Variants in TVP23A observed in about 807,000 individuals in gnomAD.
TVP23A encodes the protein trans-golgi network vesicle protein 23 homolog A.
Under a neutral mutation model 31.7 loss-of-function variants are expected in TVP23A, and 21 were observed. That is an observed-to-expected ratio of 0.66 (90% CI 0.47 to 0.95). TVP23A has a LOEUF of 0.95. Ranked by LOEUF, TVP23A falls within the 40% of genes least tolerant of loss-of-function variation. The pLI is 0.00. For missense variants in TVP23A, 279 were observed against 255.6 expected, an observed-to-expected ratio of 1.09 and a Z score of -0.62; for synonymous variants, 104 against 96.0, an observed-to-expected ratio of 1.08 and a Z score of -0.49.
At chr16:10,813,439 CT>C (rs1319771737) in intron 2 of TVP23A, among the ~76,000 whole-genome samples, 1 of 152,122 alleles carries the variant, frequency 6.6e-6, no homozygotes, top group African/African-American at 2.4e-5. Context: ...CGATTCTTAA[CT>C]TTTTTGGATC....
chr16:10,809,821 G>A (rs1354314821), intron 2 of TVP23A, among the ~76,000 whole-genome samples: 1 of 152,112 alleles, frequency 6.6e-6, no homozygotes, highest in Admixed American at 6.5e-5. Context: ...CTCACAGCTG[G>A]TCTGCAACAC....
intron 2 of TVP23A, among the ~76,000 whole-genome samples, chr16:10,810,960 A>G (rs1352786555): frequency 6.6e-6 from 1 of 152,190 alleles, no homozygotes; most frequent in Non-Finnish European, 1.5e-5. Context: ...CTCTTTCTCC[A>G]TACTTACAGA....
downstream of TVP23A, among the ~76,000 whole-genome samples, chr16:10,760,356 C>A (rs886535320): frequency 9.8e-5 from 15 of 152,332 alleles, no homozygotes; most frequent in South Asian, 2.9e-3. Flanking sequence ...GATTCAGCCC[C>A]CAGGCTGGGG....
chr16:10,810,718 T>C (rs925615786), intron 2 of TVP23A, among the ~76,000 whole-genome samples: 2 of 152,064 alleles, frequency 1.3e-5, no homozygotes, highest in African/African-American at 4.8e-5. Flanking sequence ...CTCTCAGACA[T>C]CATACCTCCT....
intron 2 of TVP23A, among the ~76,000 whole-genome samples, chr16:10,797,920 T>C (rs184230849): frequency 2.4e-4 from 36 of 152,038 alleles, no homozygotes; most frequent in African/African-American, 8.4e-4. Context: ...ATTTTGTATG[T>C]TTGGAATTCT....
At chr16:10,788,675 A>T (rs909483811) in intron 2 of TVP23A, among the ~76,000 whole-genome samples, 3 of 152,202 alleles carry the variant, frequency 2.0e-5, no homozygotes, top group Non-Finnish European at 4.4e-5. Context: ...AGTCACTTAG[A>T]TCTGAGAAGC....
At position 10,792,657 on chromosome 16, in the gene TVP23A, C is replaced by T. The variant is rs780008186; in HGVS notation, c.90-17561G>A. The stretch of plus-strand genomic sequence containing the variant: ...AAGGTCCCTATAAACCCTTCAGGAA[C>T]GCCGTGGGGCCTGCACTAACCCAGG... On this transcript the variant is annotated intron_variant, in intron 2 of 7. Coordinates refer to ENST00000299866, the MANE Select transcript of TVP23A (RefSeq NM_001079512.4). Among the ~76,000 whole-genome samples, 9 of 152,378 alleles carry T rather than the reference C, an allele frequency of 5.9e-5. No homozygotes were observed. The East Asian group carries it at 7.7e-4, about 13-fold the overall frequency.
At chr16:10,813,538 G>A (rs1359839292) in intron 2 of TVP23A, among the ~76,000 whole-genome samples, 1 of 152,202 alleles carries the variant, frequency 6.6e-6, no homozygotes, top group Non-Finnish European at 1.5e-5. Flanking sequence ...GAGTCCAGGA[G>A]TTTGAGATCA....
intron 2 of TVP23A, among the ~76,000 whole-genome samples, chr16:10,813,469 C>G (rs1479304937): frequency 6.6e-6 from 1 of 152,110 alleles, no homozygotes; most frequent in East Asian, 1.9e-4. Context: ...ATTTGATAAT[C>G]CAATTAATGT....
intron 2 of TVP23A, among the ~76,000 whole-genome samples, chr16:10,815,885 A>G (rs2034414782): frequency 6.6e-6 from 1 of 152,226 alleles, no homozygotes; most frequent in African/African-American, 2.4e-5. Flanking sequence ...CCTTAAAGAT[A>G]ATCATTGGCC....
rs185386243 is a variant in TVP23A, at chr16:10,787,199, C to A, written c.90-12103G>T. Among the ~76,000 whole-genome samples the A allele has an allele frequency of 8.5e-5, 13 of 152,224 alleles. No individual in the cohort carries two copies. In the East Asian group the frequency reaches 2.3e-3, roughly 27 times the overall value. The stretch of plus-strand genomic sequence containing the variant: ...TGCAGTCCTGGACAAAGTACTAAAC[C>A]CTTTTTGATATAGGAGTTAAGAAGA... On this transcript the variant is annotated intron_variant, in intron 2 of 7. Transcript: ENST00000299866.
Position 10,773,389 on chromosome 16 carries a change from A to T in TVP23A, c.377T>A (p.Leu126Gln), listed in dbSNP as rs2031769032. 1 of 1,611,526 alleles carries T rather than the reference A, an allele frequency of 6.2e-7. No individual in the cohort carries two copies. Among genetic ancestry groups the T allele is most frequent in the South Asian group, 1.1e-5 (1 of 90,130 alleles). ...ATEAEARIFW[L>Q]GLIICPMIWI... is the part of the protein sequence containing the mutation. ...TATCATGGGGCAGATTATGAGGCCC[A>T]GCCAGAAGATTCGTGCTTCAGCTTC... Residue 126 changes from leucine (L) to glutamine (Q), a missense_variant, in exon 5 of 8, where the codon CTG becomes CAG. Coordinates refer to ENST00000299866, the MANE Select transcript of TVP23A (RefSeq NM_001079512.4).
chr16:10,811,340 CT>C (rs2034190586), intron 2 of TVP23A, among the ~76,000 whole-genome samples: 2 of 152,266 alleles, frequency 1.3e-5, no homozygotes, highest in African/African-American at 4.8e-5. Flanking sequence ...GTGATAATGG[CT>C]TACTGCAGCC....
In TVP23A at chr16:10,775,005, C is replaced by T. The variant is rs1205357738; in HGVS notation, c.181G>A (p.Gly61Ser). The T allele has an allele frequency of 1.2e-6, 2 of 1,612,654 alleles. No homozygotes were observed. The highest frequency in any genetic ancestry group is 2.7e-5 in the African/African-American group (2 of 74,844). ...SCDWFSKSFV[G>S]CFVMVLLLLS... is the part of the protein sequence containing the mutation. ...AGGAGCAGCACCATGACAAAACAGC[C>T]CACAAAGCTCTTGCTGAACCAGTCG... The change falls in exon 3 of 8, where the codon GGC becomes AGC. Residue 61 changes from glycine (G) to serine (S), a missense_variant. By Grantham distance (56) the Gly-to-Ser change is moderately conservative. Coordinates refer to ENST00000299866, the MANE Select transcript of TVP23A (RefSeq NM_001079512.4).
At chr16:10,782,191 T>C (rs1301006051) in intron 2 of TVP23A, among the ~76,000 whole-genome samples, 2 of 152,040 alleles carry the variant, frequency 1.3e-5, no homozygotes, top group Admixed American at 1.3e-4. Flanking sequence ...CACTCAGCTG[T>C]CATCAGACCC....
At chr16:10,766,277 T>G (rs961927275), downstream of TVP23A, 1 of 152,582 alleles carries the variant, frequency 6.6e-6, no homozygotes, top group Non-Finnish European at 1.5e-5. The surrounding 1 kb of genome is among the most constrained non-coding windows in gnomAD (Gnocchi z 4.8). Flanking sequence ...GTGACAGTGG[T>G]GCCTAGTGAG....
At chr16:10,769,267 G>A in intron 7 of TVP23A, 166 bp from the exon 8 acceptor site, 1 of 606,902 alleles carries the variant, frequency 1.6e-6, no homozygotes, top group Non-Finnish European at 2.9e-6. Context: ...TAATCATTGA[G>A]TATTTGTACA....
intron 6 of TVP23A, among the ~76,000 whole-genome samples, chr16:10,770,999 T>C (rs980349586): frequency 6.6e-6 from 1 of 151,350 alleles, no homozygotes; most frequent in South Asian, 2.1e-4. Context: ...ATTGCACTTA[T>C]AGGAGGTCCC....
intron 3 of TVP23A, 134 bp downstream of exon 3, chr16:10,774,817 CT>C: frequency 1.3e-6 from 1 of 747,722 alleles, no homozygotes; most frequent in Non-Finnish European, 2.1e-6. Flanking sequence ...CTCCATTCCC[CT>C]TACTTTTAAG....
Sources: gnomAD v4.1 joint callset for allele counts (sites outside exome capture counted in the v4.1 genomes callset) on GRCh38, gnomAD v4.1.1 for gene constraint, Gnocchi (gnomAD v3.1) non-coding constraint, MANE v1.5 for transcripts, NCBI Gene and HGNC (gene_info 2026-07-23, HGNC 2026-07-21) for gene names.